RIT2: variants seen among roughly 807,000 people sequenced by gnomAD.
RIT2 encodes Ras like without CAAX 2, also known as GTP-binding protein Rit2.
RIT2 carries 24 observed loss-of-function variants against 23.7 expected under a neutral mutation model. The observed-to-expected ratio is 1.01, with a 90% CI of 0.73 to 1.43. The LOEUF (loss-of-function observed/expected upper bound fraction) is 1.43, where lower values mean the gene tolerates loss of function less well. Among genes scored for constraint, RIT2 ranks in the 40% most tolerant of loss-of-function variants. RIT2 has a pLI of 0.00. For synonymous variants in RIT2, 107 were observed against 91.1 expected (o/e 1.17, Z -0.99); for missense variants, 236 against 266.9 (o/e 0.88, Z 0.81).
At position 42,891,819 on chromosome 18, in the gene RIT2, CAT is replaced by C. The variant is rs773255947; in HGVS notation, c.426+31751_426+31752del. Among the ~76,000 whole-genome samples the C allele has an allele frequency of 1.2e-4, 18 of 152,216 alleles. No individual in the cohort carries two copies. The East Asian group carries it at 1.7e-3, about 15-fold the overall frequency. ...CAGTATGACACTACAATGATAGACA[CAT>C]GTTATTATCTTTTTCAAAACCCATA... is the stretch of plus-strand genomic sequence containing the variant. On this transcript the variant is annotated intron_variant, in intron 4 of 4. Coordinates refer to ENST00000326695, the MANE Select transcript of RIT2 (RefSeq NM_002930.4).
At chr18:43,065,268 C>G (rs1329830602) in intron 1 of RIT2, among the ~76,000 whole-genome samples, 1 of 135,108 alleles carries the variant, frequency 7.4e-6, no homozygotes, top group African/African-American at 2.8e-5. Flanking sequence ...AATCTGTTGC[C>G]CAGGTTGGAG....
chr18:42,921,276 C>A (rs924189689), intron 4 of RIT2, among the ~76,000 whole-genome samples: 2 of 152,150 alleles, frequency 1.3e-5, no homozygotes, highest in Admixed American at 1.3e-4. Flanking sequence ...GACAGTGGTA[C>A]ACAAACATTT....
chr18:42,743,477 C>G lies in RIT2; in HGVS notation c.*16G>C. On this transcript the variant is annotated 3_prime_UTR_variant, in exon 5 of 5. Transcript: ENST00000326695. The stretch of plus-strand genomic sequence containing the variant: ...AATAAAATTCAGAGAGCGTGAGGAA[C>G]TCAAAAGCAAAGATATCATGTCATA... 1 of 1,582,990 alleles carries G rather than the reference C, an allele frequency of 6.3e-7. No individual in the cohort carries two copies. Among genetic ancestry groups the G allele is most frequent in the South Asian group, 1.1e-5 (1 of 90,340 alleles).
chr18:42,835,441 TAAG>T (rs567067609), intron 4 of RIT2, among the ~76,000 whole-genome samples: 125 of 152,238 alleles, frequency 8.2e-4, no homozygotes, highest in African/African-American at 2.8e-3. Context: ...AATGCCCTTG[TAAG>T]AAGATTTCTC....
At position 43,030,891 on chromosome 18, in the gene RIT2, T is replaced by C. The variant is rs1194999804; in HGVS notation, c.160+2920A>G. Among the ~76,000 whole-genome samples the C allele has an allele frequency of 1.3e-5, 2 of 152,024 alleles. 1 individual carries two copies. The highest frequency in any genetic ancestry group is 4.8e-5 in the African/African-American group (2 of 41,410). On this transcript the variant is annotated intron_variant, in intron 2 of 4. Coordinates refer to ENST00000326695, the MANE Select transcript of RIT2 (RefSeq NM_002930.4). Reference sequence around the variant, plus strand: ...GCTATTAAAGTTGATGCATGTTTAGTTTTTCTGCCTTGGAACTAACAAATG... The same window carrying C: ...GCTATTAAAGTTGATGCATGTTTAGCTTTTCTGCCTTGGAACTAACAAATG...
chr18:43,042,757 T>C (rs1255181573), intron 1 of RIT2, among the ~76,000 whole-genome samples: 1 of 152,166 alleles, frequency 6.6e-6, no homozygotes. Context: ...GAGAAGAAGA[T>C]GGGGAGTTGT....
intron 4 of RIT2, among the ~76,000 whole-genome samples, chr18:42,844,404 T>C (rs553608848): frequency 3.3e-5 from 5 of 152,138 alleles, no homozygotes; most frequent in Non-Finnish European, 7.4e-5. Context: ...TGAGGTCACA[T>C]AGACACTTGA....
chr18:42,986,526 G>T (rs1040429255), intron 2 of RIT2, among the ~76,000 whole-genome samples: 1 of 151,040 alleles, frequency 6.6e-6, no homozygotes, highest in East Asian at 2.0e-4. Context: ...TTTTGAGATG[G>T]CGTCTTGCTT....
At chr18:42,990,912 G>GTTT (rs77172671) in intron 2 of RIT2, among the ~76,000 whole-genome samples, 15,195 of 132,948 alleles carry the variant, frequency 0.11, 1,128 homozygotes, top group East Asian at 0.36. Flanking sequence ...CACTGGTTTT[G>GTTT]TTTTTTTTTT....
At chr18:43,081,203 G>A (rs1209141740) in intron 1 of RIT2, among the ~76,000 whole-genome samples, 4 of 152,062 alleles carry the variant, frequency 2.6e-5, no homozygotes, top group African/African-American at 9.7e-5. Flanking sequence ...TTTACCCTTT[G>A]GATGTTTAAA....
At chr18:43,105,123 TGTGTGTGTTTG>T in intron 1 of RIT2, among the ~76,000 whole-genome samples, 2 of 150,582 alleles carry the variant, frequency 1.3e-5, no homozygotes, top group African/African-American at 4.9e-5. Flanking sequence ...TGTGTGTGTG[TGTGTGTGTTTG>T]TGTGTGTGTG....
chr18:43,059,959 T>A (rs1274238397), intron 1 of RIT2, among the ~76,000 whole-genome samples: 1 of 152,124 alleles, frequency 6.6e-6, no homozygotes, highest in African/African-American at 2.4e-5. Context: ...CCTCAGAGGC[T>A]AAGAAGGCCT....
chr18:43,038,314 T>TG (rs1912038474), intron 1 of RIT2, among the ~76,000 whole-genome samples: 1 of 42,904 alleles, frequency 2.3e-5, no homozygotes, highest in African/African-American at 5.5e-5. Flanking sequence ...TGAATCGTGG[T>TG]TTTTTTTTTT....
At chr18:42,885,192 G>A (rs993571296) in intron 4 of RIT2, among the ~76,000 whole-genome samples, 13 of 152,216 alleles carry the variant, frequency 8.5e-5, no homozygotes, top group African/African-American at 3.1e-4. Context: ...AGAGCTTTAT[G>A]TGCTGCTTTT....
intron 2 of RIT2, among the ~76,000 whole-genome samples, chr18:43,019,275 C>T (rs908632347): frequency 4.6e-5 from 7 of 151,682 alleles, no homozygotes; most frequent in African/African-American, 1.5e-4. Context: ...AACATAGATA[C>T]AAAAATTCTC....
intron 1 of RIT2, among the ~76,000 whole-genome samples, chr18:43,064,581 A>G (rs1052788005): frequency 1.3e-5 from 2 of 152,140 alleles, no homozygotes; most frequent in Admixed American, 6.5e-5. Context: ...CGCTAGAGCA[A>G]TATGATTTCT....
At chr18:42,981,930 T>G (rs1910607553) in intron 2 of RIT2, among the ~76,000 whole-genome samples, 1 of 152,138 alleles carries the variant, frequency 6.6e-6, no homozygotes, top group Non-Finnish European at 1.5e-5. Context: ...GGTTGTTCAT[T>G]GTGTGCATGT....
intron 3 of RIT2, among the ~76,000 whole-genome samples, chr18:42,933,145 A>G (rs2144147350): frequency 6.6e-6 from 1 of 152,284 alleles, no homozygotes; most frequent in African/African-American, 2.4e-5. Flanking sequence ...TGCCATTTAG[A>G]AAAATACTTT....
At chr18:42,878,493 G>A (rs1347901733) in intron 4 of RIT2, among the ~76,000 whole-genome samples, 1 of 151,824 alleles carries the variant, frequency 6.6e-6, no homozygotes, top group Admixed American at 6.6e-5. Flanking sequence ...TCTCAGGGGT[G>A]AAAGAGATAG....
Sources: allele counts gnomAD v4.1 joint callset (sites outside exome capture counted in the v4.1 genomes callset), GRCh38; gene constraint gnomAD v4.1.1; transcripts MANE v1.5; gene names NCBI Gene and HGNC (gene_info 2026-07-23, HGNC 2026-07-21).